Variants in TBCD observed in about 807,000 individuals in gnomAD.
TBCD encodes the protein tubulin folding cofactor D, also known as tubulin-specific chaperone D.
A neutral mutation model predicts 169.3 loss-of-function variants in TBCD; 105 were observed. The observed-to-expected ratio is 0.62, with a 90% CI of 0.53 to 0.73. TBCD has a LOEUF of 0.73. Among genes scored for constraint, TBCD ranks in the 30% least tolerant of loss-of-function variants. The pLI, the probability that TBCD is intolerant of heterozygous loss-of-function variation, is 0.00. For synonymous variants in TBCD, 700 were observed against 643.9 expected (o/e 1.09, Z -1.32); for missense variants, 1,444 against 1,600.1 (o/e 0.90, Z 1.66).
chr17:82,826,741 A>C (rs1312084817), intron 13 of TBCD, among the ~76,000 whole-genome samples: 30 of 151,010 alleles, frequency 2.0e-4, no homozygotes, highest in Non-Finnish European at 1.5e-5. Flanking sequence ...AACCAGAATA[A>C]GGCAAGGTTC....
At chr17:82,845,960 G>A (rs2054998841) in intron 13 of TBCD, among the ~76,000 whole-genome samples, 1 of 152,250 alleles carries the variant, frequency 6.6e-6, no homozygotes, top group Admixed American at 6.5e-5. Context: ...AAATCCACAG[G>A]CCTGGCATCA....
rs977739692 is a variant in TBCD at position 82,945,357 on chromosome 17, T to C, written c.*2894T>C. On this transcript the variant is annotated 3_prime_UTR_variant, in exon 39 of 39. Transcript: ENST00000355528. The stretch of plus-strand genomic sequence containing the variant: ...ATGATGCAGATATTCCATACTGACA[T>C]GCAACAGTCCCCAGATACAGAAGCC... 1 of 152,192 alleles carries C rather than the reference T, an allele frequency of 6.6e-6. No individual in the cohort carries two copies. Among genetic ancestry groups the C allele is most frequent in the Admixed American group, 6.5e-5 (1 of 15,278 alleles). 9.4% of individuals were successfully genotyped at this position (152,192 alleles called of 1,614,324 possible). A position where few individuals can be genotyped will look rare whatever the true frequency, so the allele number is the denominator to read the frequency against.
intron 13 of TBCD, among the ~76,000 whole-genome samples, chr17:82,856,819 G>GA (rs2056336168): frequency 7.3e-6 from 1 of 136,332 alleles, no homozygotes; most frequent in South Asian, 2.5e-4. Context: ...CGGGATCGCT[G>GA]GACCGCGTGC....
At chr17:82,834,915 G>A (rs1000038308) in intron 13 of TBCD, among the ~76,000 whole-genome samples, 1 of 152,064 alleles carries the variant, frequency 6.6e-6, no homozygotes, top group Non-Finnish European at 1.5e-5. Context: ...GTTAAATGGA[G>A]GGCTGGGGGC....
intron 13 of TBCD, among the ~76,000 whole-genome samples, chr17:82,828,757 A>T (rs1031998884): frequency 6.6e-6 from 1 of 151,372 alleles, no homozygotes; most frequent in Admixed American, 6.6e-5. Context: ...AGATGCACAC[A>T]CACACATCTA....
intron 36 of TBCD, 62 bp from the exon 37 acceptor site, chr17:82,939,305 C>T (rs2062919712): frequency 1.5e-5 from 21 of 1,372,442 alleles, no homozygotes; most frequent in Non-Finnish European, 1.9e-5. Flanking sequence ...TGGGTCCTGT[C>T]GTCTCTCCGG....
intron 17 of TBCD, among the ~76,000 whole-genome samples, chr17:82,896,463 T>G (rs796524870): frequency 1.7e-4 from 20 of 119,526 alleles, no homozygotes; most frequent in Middle Eastern, 5.0e-3. Flanking sequence ...GTTTTTTTTT[T>G]TTTTTTTTTT....
rs1219381956 is a variant in TBCD at position 82,930,836 on chromosome 17, A to T, written c.3113+193A>T. Among the ~76,000 whole-genome samples, 1 of 152,228 alleles carries T rather than the reference A, an allele frequency of 6.6e-6. No individual in the cohort carries two copies. Among genetic ancestry groups the T allele is most frequent in the African/African-American group, 2.4e-5 (1 of 41,468 alleles). ...ATGGTTCTCCGGGCGGCCAGGCCTCAGCCCCTGCGCCTCCTCTTCTAGCCT... is the reference window on the plus strand; with the variant it reads ...ATGGTTCTCCGGGCGGCCAGGCCTCTGCCCCTGCGCCTCCTCTTCTAGCCT... On this transcript the variant is annotated intron_variant, in intron 33 of 38. Coordinates refer to ENST00000355528, the MANE Select transcript of TBCD (RefSeq NM_005993.5). This position sits in a 1 kb window ranked among gnomAD's most constrained non-coding sequence, Gnocchi z 5.2.
At chr17:82,862,512 G>A (rs543816718) in intron 13 of TBCD, among the ~76,000 whole-genome samples, 2 of 152,228 alleles carry the variant, frequency 1.3e-5, no homozygotes, top group South Asian at 4.1e-4. Context: ...AATGTGTGAT[G>A]AGGCCTAAGA....
At chr17:82,800,627 C>T (rs2050442797) in intron 8 of TBCD, among the ~76,000 whole-genome samples, 1 of 152,156 alleles carries the variant, frequency 6.6e-6, no homozygotes, top group Non-Finnish European at 1.5e-5. Context: ...TTCAGATTGG[C>T]TCCCTGCCCT....
intron 37 of TBCD, among the ~76,000 whole-genome samples, chr17:82,940,061 A>G (rs73368948): frequency 6.6e-6 from 1 of 151,824 alleles, no homozygotes; most frequent in Non-Finnish European, 1.5e-5. Flanking sequence ...GTGTGTATTG[A>G]GTTGGGGGTG....
intron 13 of TBCD, among the ~76,000 whole-genome samples, chr17:82,853,655 T>C (rs1007386570): frequency 2.6e-5 from 4 of 152,174 alleles, no homozygotes; most frequent in Non-Finnish European, 5.9e-5. Context: ...TCCTCTCATC[T>C]TGGCCTCCCA....
At chr17:82,863,073 T>A (rs1440245251) in intron 13 of TBCD, among the ~76,000 whole-genome samples, 1 of 152,120 alleles carries the variant, frequency 6.6e-6, no homozygotes, top group Non-Finnish European at 1.5e-5. Flanking sequence ...TGTCAAAAAG[T>A]GAAGATATGA....
At chr17:82,767,197 C>T (rs926838340) in intron 4 of TBCD, among the ~76,000 whole-genome samples, 4 of 152,004 alleles carry the variant, frequency 2.6e-5, no homozygotes, top group African/African-American at 7.2e-5. Context: ...CTGTCTTCTG[C>T]GTGGTATGTA....
rs184922432 is a variant in TBCD, at chr17:82,803,190, C to T, written c.950+2194C>T. 3.1e-3 allele frequency among the ~76,000 whole-genome samples: 479 copies of T among 152,266 alleles called. 3 individuals carry two copies. The highest frequency in any genetic ancestry group is 0.011 in the African/African-American group (454 of 41,540). On this transcript the variant is annotated intron_variant, in intron 9 of 38. Coordinates refer to ENST00000355528, the MANE Select transcript of TBCD (RefSeq NM_005993.5). ...CCCACTCCTCCTGCCAGCCTTGGCTCGAGGCTTTGTTAGGGTGGGTCTTTC... is the reference window on the plus strand; with the variant it reads ...CCCACTCCTCCTGCCAGCCTTGGCTTGAGGCTTTGTTAGGGTGGGTCTTTC...
At chr17:82,779,710 G>A (rs2048822581) in intron 6 of TBCD, among the ~76,000 whole-genome samples, 1 of 152,248 alleles carries the variant, frequency 6.6e-6, no homozygotes, top group South Asian at 2.1e-4. Context: ...CTAGATGGAT[G>A]TGCTGGAACA....
At chr17:82,777,073 C>A (rs1343008022) in intron 6 of TBCD, among the ~76,000 whole-genome samples, 1 of 151,796 alleles carries the variant, frequency 6.6e-6, no homozygotes, top group East Asian at 1.9e-4. Context: ...TTTTTTGGAC[C>A]AAAGTTTTAA....
chr17:82,774,437 T>C (rs1037952254), intron 6 of TBCD, among the ~76,000 whole-genome samples: 1 of 152,250 alleles, frequency 6.6e-6, no homozygotes, highest in Non-Finnish European at 1.5e-5. Context: ...TCGAGTCTCC[T>C]ATGTCTACTT....
intron 13 of TBCD, among the ~76,000 whole-genome samples, chr17:82,850,928 T>A (rs969036889): frequency 1.3e-5 from 2 of 152,250 alleles, no homozygotes; most frequent in Admixed American, 1.3e-4. Context: ...GATATAGATA[T>A]GTATAAAACG....
Sources: gnomAD v4.1 joint callset for allele counts (sites outside exome capture counted in the v4.1 genomes callset) on GRCh38, gnomAD v4.1.1 for gene constraint, Gnocchi (gnomAD v3.1) non-coding constraint, MANE v1.5 for transcripts, NCBI Gene and HGNC (gene_info 2026-07-23, HGNC 2026-07-21) for gene names.